The following TNNI3K variants were observed in gnomAD, a reference collection of about 807,000 sequenced individuals.
TNNI3K encodes serine/threonine-protein kinase TNNI3K.
TNNI3K carries 140 observed loss-of-function variants against 114.5 expected under a neutral mutation model. That is an observed-to-expected ratio of 1.22 (90% CI 1.07 to 1.41). TNNI3K has a LOEUF of 1.41. Ranked by LOEUF, TNNI3K falls within the 40% of genes most tolerant of loss-of-function variation. The probability of loss-of-function intolerance (pLI) is 0.00; values close to 1 mark genes in which losing one functional copy is unlikely to be tolerated. For missense variants in TNNI3K, 1,125 were observed against 1,007.6 expected, an observed-to-expected ratio of 1.12 and a Z score of -1.58; for synonymous variants, 347 against 347.5, an observed-to-expected ratio of 1.00 and a Z score of 0.02.
chr1:74,276,032 TTGAC>T (rs1483138904), intron 5 of TNNI3K, among the ~76,000 whole-genome samples: 2 of 152,116 alleles, frequency 1.3e-5, no homozygotes, highest in African/African-American at 4.8e-5. Flanking sequence ...TTACTTTACT[TTGAC>T]TGCATGATTT....
At chr1:74,389,428 T>C (rs1285480789) in intron 17 of TNNI3K, among the ~76,000 whole-genome samples, 2 of 152,206 alleles carry the variant, frequency 1.3e-5, no homozygotes, top group African/African-American at 2.4e-5. Flanking sequence ...ATCGTCTTTA[T>C]AGGAAACTGT....
At chr1:74,540,584 G>T (rs1416705266) in intron 24 of TNNI3K, among the ~76,000 whole-genome samples, 1 of 134,956 alleles carries the variant, frequency 7.4e-6, no homozygotes, top group Non-Finnish European at 1.6e-5. Flanking sequence ...TGTGTACATA[G>T]AAAAAAGTAC....
chr1:74,469,145 T>A (rs1667796787), intron 21 of TNNI3K: 1 of 152,720 alleles, frequency 6.5e-6, no homozygotes, highest in East Asian at 1.9e-4. Context: ...GGATCCATTG[T>A]GTCGATCTTC....
At chr1:74,452,403 T>C (rs1020675959) in intron 20 of TNNI3K, among the ~76,000 whole-genome samples, 2 of 152,214 alleles carry the variant, frequency 1.3e-5, no homozygotes, top group African/African-American at 4.8e-5. Context: ...AGGTGGCCCA[T>C]GTAGAAACTT....
At chr1:74,411,784 G>A (rs1297794005) in intron 17 of TNNI3K, among the ~76,000 whole-genome samples, 3 of 152,140 alleles carry the variant, frequency 2.0e-5, no homozygotes. Context: ...TTAAATGTTG[G>A]AGGAGTGAGC....
At chr1:74,235,806 G>A (rs997631538) in intron 1 of TNNI3K, among the ~76,000 whole-genome samples, 15 of 150,956 alleles carry the variant, frequency 9.9e-5, no homozygotes, top group Non-Finnish European at 1.5e-4. Flanking sequence ...ACTAAAAACC[G>A]TCTTGCAACT....
intron 20 of TNNI3K, among the ~76,000 whole-genome samples, chr1:74,457,930 T>C (rs894691423): frequency 1.3e-5 from 2 of 152,188 alleles, no homozygotes; most frequent in African/African-American, 2.4e-5. Context: ...ATATTTTACT[T>C]GGTATTCATA....
intron 23 of TNNI3K, among the ~76,000 whole-genome samples, chr1:74,524,684 A>G (rs186893884): frequency 7.7e-4 from 118 of 152,292 alleles, no homozygotes; most frequent in African/African-American, 2.7e-3. Context: ...AATAAAACAC[A>G]GAAAATAATC....
chr1:74,279,861 T>A (rs1656896462), intron 5 of TNNI3K, among the ~76,000 whole-genome samples: 1 of 152,124 alleles, frequency 6.6e-6, no homozygotes, highest in African/African-American at 2.4e-5. Context: ...AGAAGAAAGT[T>A]ATAATGCAAT....
intron 21 of TNNI3K, among the ~76,000 whole-genome samples, chr1:74,472,421 G>T (rs1050363981): frequency 1.3e-5 from 2 of 152,162 alleles, no homozygotes; most frequent in Admixed American, 1.3e-4. Flanking sequence ...CAGTTGCGAT[G>T]CTGACTTAAA....
chr1:74,493,273 T>A (rs971227992), intron 23 of TNNI3K, among the ~76,000 whole-genome samples: 2 of 152,150 alleles, frequency 1.3e-5, no homozygotes, highest in South Asian at 4.1e-4. Flanking sequence ...ATGAAAAGAT[T>A]TTGGAATTAA....
At chr1:74,531,429 G>C (rs771334257) in intron 23 of TNNI3K, among the ~76,000 whole-genome samples, 4 of 152,158 alleles carry the variant, frequency 2.6e-5, no homozygotes, top group Non-Finnish European at 4.4e-5. Context: ...GTCTCTAATA[G>C]AAATATCATC....
At position 74,359,236 on chromosome 1, in the gene TNNI3K, T is replaced by C. The variant is rs11210454; in HGVS notation, c.1177+5107T>C. On this transcript the variant is annotated intron_variant, in intron 11 of 24. Transcript: ENST00000326637. ...AAAATGAGGATATTAATAACCACTTTACAGAATTCTGACGAGGTTTAAGGA... is the reference window on the plus strand; with the variant it reads ...AAAATGAGGATATTAATAACCACTTCACAGAATTCTGACGAGGTTTAAGGA... Among the ~76,000 whole-genome samples the C allele has an allele frequency of 3.6e-3, 541 of 152,112 alleles. 5 individuals carry two copies. Among genetic ancestry groups the C allele is most frequent in the African/African-American group, 0.012 (490 of 41,560 alleles).
chr1:74,436,512 A>G lies in TNNI3K; in HGVS notation c.1864A>G (p.Thr622Ala). Residue 622 changes from threonine (T) to alanine (A), a missense_variant, in exon 19 of 25, where the codon ACA (threonine) becomes GCA (alanine). Coordinates refer to ENST00000326637, the MANE Select transcript of TNNI3K (RefSeq NM_015978.3). ...FLQSLDEDNMTKQPGNLRWMA... is the reference protein window; with the variant it reads ...FLQSLDEDNMAKQPGNLRWMA... The stretch of plus-strand genomic sequence containing the variant: ...ACAGTCTCTGGATGAAGACAACATG[A>G]CAAAACAACCTGGGGTTTGCTGCTG... 1.3e-6 allele frequency: 2 copies of G among 1,587,384 alleles called. No homozygotes were observed. Among genetic ancestry groups the G allele is most frequent in the Non-Finnish European group, 1.7e-6 (2 of 1,173,178 alleles).
chr1:74,259,377 G>A (rs2100867869), intron 4 of TNNI3K, among the ~76,000 whole-genome samples: 1 of 152,304 alleles, frequency 6.6e-6, no homozygotes, highest in African/African-American at 2.4e-5. Context: ...TGTCTCAGCT[G>A]AAATAAAAAC....
In TNNI3K at chr1:74,540,299, C is replaced by A. The variant is rs1395583649; in HGVS notation, c.2417C>A (p.Pro806His). The A allele has an allele frequency of 1.9e-6, 3 of 1,611,460 alleles. No individual in the cohort carries two copies. The highest frequency in any genetic ancestry group is 1.7e-6 in the Non-Finnish European group (2 of 1,178,570). The change falls in exon 24 of 25, where the codon CCC (proline) becomes CAC (histidine). Residue 806 changes from proline (P) to histidine (H), a missense_variant. By Grantham distance (77) the Pro-to-His change is moderately conservative. Transcript: ENST00000326637. ...ATGAAAAGAAGTCTTCAATACACAC[C>A]CATTGACAAATATGGTAAGTAGGCA... ...EEMKRSLQYT[P>H]IDKYGYVSDP... is the part of the protein sequence containing the mutation.
chr1:74,501,739 G>A (rs1030456385), intron 23 of TNNI3K, among the ~76,000 whole-genome samples: 4 of 151,864 alleles, frequency 2.6e-5, no homozygotes, highest in African/African-American at 7.3e-5. Flanking sequence ...TGTCCACCTC[G>A]GCCTCCCAAA....
intron 9 of TNNI3K, among the ~76,000 whole-genome samples, chr1:74,352,672 C>T (rs1031082239): frequency 2.6e-5 from 4 of 152,184 alleles, no homozygotes; most frequent in East Asian, 1.9e-4. Context: ...CAATGGCAGG[C>T]GTCCCTCCCC....
chr1:74,497,062 G>T (rs917822869), intron 23 of TNNI3K, among the ~76,000 whole-genome samples: 3 of 152,116 alleles, frequency 2.0e-5, no homozygotes, highest in Non-Finnish European at 4.4e-5. Flanking sequence ...GTCCATCAAA[G>T]GTTTCTTTAA....
Sources: gnomAD v4.1 joint callset for allele counts (sites outside exome capture counted in the v4.1 genomes callset) on GRCh38, gnomAD v4.1.1 for gene constraint, MANE v1.5 for transcripts, NCBI Gene and HGNC (gene_info 2026-07-23, HGNC 2026-07-21) for gene names.